DNMT3A: variants seen among roughly 807,000 people sequenced by gnomAD.
The protein encoded by DNMT3A is DNA methyltransferase 3 alpha, also known as DNA (cytosine-5)-methyltransferase 3A.
DNMT3A carries 267 observed loss-of-function variants against 117.6 expected under a neutral mutation model. The ratio of observed to expected loss-of-function variants is 2.27; its 90% CI spans 2.05 to 2.51. DNMT3A has a LOEUF of 2.51. Among genes scored for constraint, DNMT3A ranks in the 30% most tolerant of loss-of-function variants. The probability of loss-of-function intolerance (pLI) is 0.00; values close to 1 mark genes in which losing one functional copy is unlikely to be tolerated. For missense variants in DNMT3A, 1,029 were observed against 1,260.2 expected, an observed-to-expected ratio of 0.82 and a Z score of 2.78; for synonymous variants, 432 against 474.8, an observed-to-expected ratio of 0.91 and a Z score of 1.17.
At chr2:25,278,447 C>T (rs769674315) in intron 4 of DNMT3A, among the ~76,000 whole-genome samples, 2 of 152,206 alleles carry the variant, frequency 1.3e-5, no homozygotes, top group African/African-American at 4.8e-5. Flanking sequence ...GACCCTAATC[C>T]GGTCTCTCAC....
In DNMT3A at chr2:25,304,545, C is replaced by T. The variant is rs1441096156; in HGVS notation, c.73-4302G>A. Among the ~76,000 whole-genome samples the T allele has an allele frequency of 2.6e-5, 4 of 152,318 alleles. No homozygotes were observed. Among genetic ancestry groups the T allele is most frequent in the African/African-American group, 4.8e-5 (2 of 41,572 alleles). On this transcript the variant is annotated intron_variant, in intron 2 of 22. Transcript: ENST00000321117. The surrounding 1 kb of genome is among the most constrained non-coding windows in gnomAD (Gnocchi z 4.3). Reference sequence around the variant, plus strand: ...CCCAACATCTGGCGGGCGCTCTTGCCGCAAGATATGTGGCAATACTGGGGC... The same window carrying T: ...CCCAACATCTGGCGGGCGCTCTTGCTGCAAGATATGTGGCAATACTGGGGC...
At position 25,300,130 on chromosome 2, in the gene DNMT3A, G is replaced by A. The variant is rs1056302170; in HGVS notation, c.177+9C>T. ...GTGCACAGGAGGGTGTGTAGGATGT[G>A]ACACTCACCGGGGGGTGCTTGCGCT... is the stretch of plus-strand genomic sequence containing the variant. On this transcript the variant is annotated intron_variant, in intron 3 of 22. Transcript: ENST00000321117. 1.2e-6 allele frequency: 2 copies of A among 1,612,516 alleles called. No individual in the cohort carries two copies. The highest frequency in any genetic ancestry group is 1.3e-5 in the African/African-American group (1 of 74,910).
rs2030745045 is a variant in DNMT3A, at chr2:25,270,223, C to G, written c.639+4718G>C. On this transcript the variant is annotated intron_variant, in intron 6 of 22. Transcript: ENST00000321117. ...CTGCTGTATTCCTCCCTCTGAAATG[C>G]CTTCCTCAGCCCTCCCCTAAATTCC... 2.6e-5 allele frequency among the ~76,000 whole-genome samples: 4 copies of G among 152,222 alleles called. No homozygotes were observed. In the South Asian group the frequency reaches 8.3e-4, roughly 32 times the overall value.
chr2:25,270,260 C>T (rs538779191), intron 6 of DNMT3A, among the ~76,000 whole-genome samples: 45 of 152,308 alleles, frequency 3.0e-4, no homozygotes, highest in Non-Finnish European at 1.0e-4. Flanking sequence ...GTTCAACCGT[C>T]AAAAGCCAGA....
At chr2:25,235,674 C>T (rs749556385) in intron 22 of DNMT3A, 33 bp downstream of exon 22, 19 of 1,566,834 alleles carry the variant, frequency 1.2e-5, no homozygotes, top group Non-Finnish European at 1.5e-5. Context: ...AGAACAGCCA[C>T]ACCGCAGCCA....
rs1276629691 is a variant in DNMT3A, at chr2:25,230,015, C to G, written c.*4264G>C. ...CTTCCTTCCTGCTGGGGTGCCTGTC[C>G]CAATCCACACTCCTGCAATGCGCCA... On this transcript the variant is annotated 3_prime_UTR_variant, in exon 23 of 23. Transcript: ENST00000321117. 3.3e-5 allele frequency: 5 copies of G among 152,284 alleles called. No homozygotes were observed. Among genetic ancestry groups the G allele is most frequent in the Non-Finnish European group, 7.3e-5 (5 of 68,116 alleles). 9.4% of individuals were successfully genotyped at this position (152,284 alleles called of 1,614,324 possible).
intron 4 of DNMT3A, among the ~76,000 whole-genome samples, chr2:25,276,248 C>T (rs774443397): frequency 5.2e-4 from 79 of 152,304 alleles, no homozygotes; most frequent in Middle Eastern, 6.8e-3. Context: ...GGCCCCTGAG[C>T]TCAGCCTTTA....
Position 25,231,323 on chromosome 2 carries a change from T to C in DNMT3A, c.*2956A>G, listed in dbSNP as rs1391744307. On this transcript the variant is annotated 3_prime_UTR_variant, in exon 23 of 23. Coordinates refer to ENST00000321117, the MANE Select transcript of DNMT3A (RefSeq NM_022552.5). ...TCCACTGAGGGGGCAGAGGCTCCCTTCCTCGCTGCTCCAGCCCCACAGCAG... is the reference window on the plus strand; with the variant it reads ...TCCACTGAGGGGGCAGAGGCTCCCTCCCTCGCTGCTCCAGCCCCACAGCAG... 6.6e-6 allele frequency: 1 copy of C among 152,176 alleles called. No homozygotes were observed. Among genetic ancestry groups the C allele is most frequent in the African/African-American group, 2.4e-5 (1 of 41,396 alleles). 9.4% of individuals were successfully genotyped at this position (152,176 alleles called of 1,614,324 possible).
In DNMT3A at chr2:25,240,429, A is replaced by G. The variant is rs767134940; in HGVS notation, c.2195T>C (p.Phe732Ser). ...GLYEGTGRLF[F>S]EFYRLLHDAR... ...ATCATGCAGGAGGCGGTAGAACTCA[A>G]AGAAGAGCCGGCCAGTGCCCTCTGA... is the stretch of plus-strand genomic sequence containing the variant. Residue 732 changes from phenylalanine to serine, a missense_variant, in exon 19 of 23, where the codon TTT becomes TCT. Physicochemically the swap from Phe to Ser is radical, Grantham distance 155. Coordinates refer to ENST00000321117, the MANE Select transcript of DNMT3A (RefSeq NM_022552.5). 3.7e-6 allele frequency: 6 copies of G among 1,611,156 alleles called. No individual in the cohort carries two copies. Among genetic ancestry groups the G allele is most frequent in the Non-Finnish European group, 4.2e-6 (5 of 1,178,500 alleles).
chr2:25,249,657 C>A (rs200521757), intron 6 of DNMT3A: 1 of 1,614,100 alleles, frequency 6.2e-7, no homozygotes, highest in Admixed American at 1.7e-5. Flanking sequence ...ATCCTTTCAC[C>A]GTATCACACT....
chr2:25,247,160 T>TG lies in DNMT3A; in HGVS notation c.1015-3dup, dbSNP rs766235490. On this transcript the variant is annotated splice_region_variant and splice_polypyrimidine_tract_variant and intron_variant, in intron 8 of 22. Transcript: ENST00000321117. This position sits in a 1 kb window ranked among gnomAD's most constrained non-coding sequence, Gnocchi z 5.6. Reference sequence around the variant, plus strand: ...CGGCATCAGCTTCTCAACACACACCTGGGGGGACAAGCCAGGCCTTGTTTG... The same window carrying TG: ...CGGCATCAGCTTCTCAACACACACCTGGGGGGGACAAGCCAGGCCTTGTTTG... 1.9e-6 allele frequency: 3 copies of TG among 1,613,414 alleles called. No homozygotes were observed. In the South Asian group the frequency reaches 3.3e-5, roughly 18 times the overall value.
chr2:25,247,904 A>T lies in DNMT3A; in HGVS notation c.855+133T>A. 1 of 1,510,838 alleles carries T rather than the reference A, an allele frequency of 6.6e-7. No homozygotes were observed. The highest frequency in any genetic ancestry group is 2.4e-4 in the Middle Eastern group (1 of 4,240). The allele number at this position is 1,510,838 out of a possible 1,614,324, so 93.6% of individuals were successfully genotyped here. A position where few individuals can be genotyped will look rare whatever the true frequency, so the allele number is the denominator to read the frequency against. The stretch of plus-strand genomic sequence containing the variant: ...GGCAAGACAGAGCAAAATCGGGGAG[A>T]CGAAGAGGCCCGGGGTCAGGTGGAG... On this transcript the variant is annotated intron_variant, in intron 7 of 22. Transcript: ENST00000321117. This position sits in a 1 kb window ranked among gnomAD's most constrained non-coding sequence, Gnocchi z 5.6.
chr2:25,320,873 T>C (rs902162027), intron 1 of DNMT3A, among the ~76,000 whole-genome samples: 1 of 152,188 alleles, frequency 6.6e-6, no homozygotes, highest in Non-Finnish European at 1.5e-5. Context: ...GGCTCACACC[T>C]GTAATCCCAG....
At chr2:25,334,787 G>A (rs536766764) in intron 1 of DNMT3A, among the ~76,000 whole-genome samples, 5 of 152,180 alleles carry the variant, frequency 3.3e-5, no homozygotes, top group South Asian at 2.1e-4. Context: ...GAAAAGACAC[G>A]TACCTGAGTA....
At position 25,305,161 on chromosome 2, in the gene DNMT3A, G is replaced by A. The variant is rs539524932; in HGVS notation, c.73-4918C>T. 1.8e-4 allele frequency among the ~76,000 whole-genome samples: 28 copies of A among 152,360 alleles called. No homozygotes were observed. Among genetic ancestry groups the A allele is most frequent in the Non-Finnish European group, 2.5e-4 (17 of 68,038 alleles). ...AACCCGTACAAATACAACTGTGTAC[G>A]AGGTTCCAGTGCCTCTCGGATCTTT... On this transcript the variant is annotated intron_variant, in intron 2 of 22. Coordinates refer to ENST00000321117, the MANE Select transcript of DNMT3A (RefSeq NM_022552.5). The surrounding 1 kb of genome is among the most constrained non-coding windows in gnomAD (Gnocchi z 4.1).
intron 6 of DNMT3A, among the ~76,000 whole-genome samples, chr2:25,250,641 C>T (rs1356602898): frequency 6.6e-6 from 1 of 152,236 alleles, no homozygotes; most frequent in African/African-American, 2.4e-5. Context: ...CTGGGATCCT[C>T]AGCTGCGTCA....
At chr2:25,244,468 G>C (rs968296493) in intron 14 of DNMT3A, 72 bp downstream of exon 14, 6 of 1,588,244 alleles carry the variant, frequency 3.8e-6, no homozygotes, top group African/African-American at 2.7e-5. Context: ...GGAAGGGAGA[G>C]GAGGGGAGGC....
In DNMT3A at chr2:25,327,632, T is replaced by A. The variant is rs1257140780; in HGVS notation, c.-177-13471A>T. The stretch of plus-strand genomic sequence containing the variant: ...TGGGTGCTCCTCAAAGGTCATGTTC[T>A]ACCTTCAGCTTCTCTCTAAATGCTC... On this transcript the variant is annotated intron_variant, in intron 1 of 22. Coordinates refer to ENST00000321117, the MANE Select transcript of DNMT3A (RefSeq NM_022552.5). The surrounding 1 kb of genome is among the most constrained non-coding windows in gnomAD (Gnocchi z 4.1). Among the ~76,000 whole-genome samples the A allele has an allele frequency of 6.6e-6, 1 of 152,194 alleles. No homozygotes were observed. Among genetic ancestry groups the A allele is most frequent in the Non-Finnish European group, 1.5e-5 (1 of 68,032 alleles).
chr2:25,250,519 C>G (rs1675386618), intron 6 of DNMT3A, among the ~76,000 whole-genome samples: 1 of 152,198 alleles, frequency 6.6e-6, no homozygotes, highest in Non-Finnish European at 1.5e-5. Context: ...CCCACTCTCA[C>G]CTGGCCAGAA....
Sources: allele counts gnomAD v4.1 joint callset (sites outside exome capture counted in the v4.1 genomes callset), GRCh38; gene constraint gnomAD v4.1.1; non-coding constraint Gnocchi (gnomAD v3.1); transcripts MANE v1.5; gene names NCBI Gene and HGNC (gene_info 2026-07-23, HGNC 2026-07-21).